TCF7L1: variants seen among roughly 807,000 people sequenced by gnomAD.
TCF7L1 encodes the protein transcription factor 7 like 1.
A neutral mutation model predicts 63.7 loss-of-function variants in TCF7L1; 18 were observed. The ratio of observed to expected loss-of-function variants is 0.28; its 90% CI spans 0.20 to 0.42. The LOEUF is 0.42. TCF7L1 is among the 10% of genes least tolerant of loss of function. The pLI is 1.00. For missense variants in TCF7L1, 654 were observed against 779.3 expected, an observed-to-expected ratio of 0.84 and a Z score of 1.91; for synonymous variants, 355 against 340.9, an observed-to-expected ratio of 1.04 and a Z score of -0.46.
chr2:85,293,721 T>G (rs893091482), intron 4 of TCF7L1, among the ~76,000 whole-genome samples: 1 of 152,240 alleles, frequency 6.6e-6, no homozygotes, highest in Admixed American at 6.5e-5. Flanking sequence ...GATTCAAGAA[T>G]GTAGAACATA....
intron 3 of TCF7L1, among the ~76,000 whole-genome samples, chr2:85,263,443 T>C (rs1573015670): frequency 6.6e-6 from 1 of 151,922 alleles, no homozygotes; most frequent in East Asian, 1.9e-4. Context: ...AGGGGAACAA[T>C]TGGAGAGACA....
intron 3 of TCF7L1, among the ~76,000 whole-genome samples, chr2:85,271,022 G>C (rs912820548): frequency 2.0e-5 from 3 of 152,066 alleles, no homozygotes; most frequent in African/African-American, 7.3e-5. Context: ...CAGAAATCAT[G>C]TCCTTGTACC....
intron 3 of TCF7L1, among the ~76,000 whole-genome samples, chr2:85,196,693 A>G (rs1679165336): frequency 6.6e-6 from 1 of 152,184 alleles, no homozygotes; most frequent in Non-Finnish European, 1.5e-5. Flanking sequence ...GTTCCAGGTG[A>G]TTCCAATGTG....
At chr2:85,285,890 C>T (rs1681535063) in intron 4 of TCF7L1, among the ~76,000 whole-genome samples, 1 of 152,098 alleles carries the variant, frequency 6.6e-6, no homozygotes, top group Admixed American at 6.6e-5. Context: ...TGTTATTTCC[C>T]TTTAAAAACT....
intron 3 of TCF7L1, among the ~76,000 whole-genome samples, chr2:85,259,678 T>C (rs915695123): frequency 5.9e-5 from 9 of 152,232 alleles, no homozygotes; most frequent in Non-Finnish European, 1.3e-4. Flanking sequence ...CCTTGGAGAA[T>C]AATCTTTTGG....
intron 3 of TCF7L1, among the ~76,000 whole-genome samples, chr2:85,270,070 C>T (rs1573018450): frequency 6.6e-6 from 1 of 152,330 alleles, no homozygotes; most frequent in Admixed American, 6.5e-5. Context: ...GCAGGAGCCG[C>T]GGGGAAGGGT....
At chr2:85,293,741 G>A (rs1681777854) in intron 4 of TCF7L1, among the ~76,000 whole-genome samples, 1 of 152,230 alleles carries the variant, frequency 6.6e-6, no homozygotes, top group African/African-American at 2.4e-5. Flanking sequence ...ACTCTAAACA[G>A]AAATAAATTA....
At chr2:85,198,713 T>C (rs897965643) in intron 3 of TCF7L1, among the ~76,000 whole-genome samples, 4 of 152,076 alleles carry the variant, frequency 2.6e-5, no homozygotes, top group African/African-American at 9.7e-5. Flanking sequence ...TACAAAAAAT[T>C]AGCTGGGTGT....
chr2:85,215,049 G>A (rs1283608369), intron 3 of TCF7L1, among the ~76,000 whole-genome samples: 1 of 152,116 alleles, frequency 6.6e-6, no homozygotes, highest in Admixed American at 6.5e-5. Context: ...GGAAACTCCA[G>A]CCCTGTGCCC....
At chr2:85,212,089 CAAAAAAAAAAAA>C (rs61280306) in intron 3 of TCF7L1, among the ~76,000 whole-genome samples, 2 of 69,808 alleles carry the variant, frequency 2.9e-5, no homozygotes, top group African/African-American at 9.8e-5. Flanking sequence ...GACTCCATCT[CAAAAAAAAAAAA>C]AAAAAAAAAA....
intron 3 of TCF7L1, among the ~76,000 whole-genome samples, chr2:85,199,921 A>G (rs1386702076): frequency 5.3e-5 from 8 of 152,136 alleles, no homozygotes; most frequent in African/African-American, 1.9e-4. Flanking sequence ...ACTCTCCTTT[A>G]TCTCCTGACA....
rs767391021 is a variant in TCF7L1 at position 85,309,093 on chromosome 2, C to T, written c.1398C>T (p.Asp466=). 3.1e-6 allele frequency: 5 copies of T among 1,613,750 alleles called. No individual in the cohort carries two copies. The South Asian group carries it at 5.5e-5, about 18-fold the overall frequency. The change falls in exon 12 of 12, where the codon GAC becomes GAT. Residue 466 remains aspartate (D), a synonymous_variant. Coordinates refer to ENST00000282111, the MANE Select transcript of TCF7L1 (RefSeq NM_031283.3). ...ACCTGCCCCCCGAGAAGCCCTGTGA[C>T]AGCCCTGCCTCCTCCCACGGGAGCA... ...VQYLPPEKPC[D]SPASSHGSML...
At chr2:85,200,844 G>A (rs963029250) in intron 3 of TCF7L1, among the ~76,000 whole-genome samples, 1 of 152,044 alleles carries the variant, frequency 6.6e-6, no homozygotes, top group Non-Finnish European at 1.5e-5. Context: ...AGTTACCTGC[G>A]ACACTTGAGT....
intron 3 of TCF7L1, among the ~76,000 whole-genome samples, chr2:85,157,596 A>T (rs775456706): frequency 6.6e-6 from 1 of 152,338 alleles, no homozygotes; most frequent in Non-Finnish European, 1.5e-5. Context: ...GGCAGTGAAG[A>T]TGCTGAACTG....
chr2:85,270,597 G>A (rs1448958305), intron 3 of TCF7L1, among the ~76,000 whole-genome samples: 5 of 152,154 alleles, frequency 3.3e-5, no homozygotes, highest in Admixed American at 2.0e-4. Flanking sequence ...GAGTGCCATG[G>A]TCTACTAGCA....
At chr2:85,139,402 G>A (rs980531739) in intron 3 of TCF7L1, among the ~76,000 whole-genome samples, 10 of 152,204 alleles carry the variant, frequency 6.6e-5, no homozygotes, top group Admixed American at 6.5e-4. Context: ...GGGACCATGG[G>A]AAACAAGATA....
At chr2:85,184,023 G>A (rs976223687) in intron 3 of TCF7L1, among the ~76,000 whole-genome samples, 2 of 152,200 alleles carry the variant, frequency 1.3e-5, no homozygotes, top group Non-Finnish European at 2.9e-5. Context: ...GTGATACAAG[G>A]TGTCATTCCA....
intron 3 of TCF7L1, among the ~76,000 whole-genome samples, chr2:85,267,501 T>C (rs1455101991): frequency 2.0e-5 from 3 of 151,256 alleles, no homozygotes; most frequent in Non-Finnish European, 4.4e-5. Context: ...AATACAAAAA[T>C]TAGCTGGTGT....
intron 3 of TCF7L1, among the ~76,000 whole-genome samples, chr2:85,158,824 A>G (rs914243555): frequency 6.6e-5 from 10 of 152,240 alleles, no homozygotes; most frequent in African/African-American, 2.4e-4. Flanking sequence ...CCCTGTGGCC[A>G]CAGCTCACCT....
Sources: allele counts gnomAD v4.1 joint callset (sites outside exome capture counted in the v4.1 genomes callset), GRCh38; gene constraint gnomAD v4.1.1; transcripts MANE v1.5; gene names NCBI Gene and HGNC (gene_info 2026-07-23, HGNC 2026-07-21).